Variants in POLDIP3 observed in about 807,000 individuals in gnomAD.
The protein encoded by POLDIP3 is DNA polymerase delta interacting protein 3, also known as polymerase delta-interacting protein 3.
Under a neutral mutation model 45.1 loss-of-function variants are expected in POLDIP3, and 14 were observed. The ratio of observed to expected loss-of-function variants is 0.31; its 90% CI spans 0.20 to 0.49. The LOEUF (loss-of-function observed/expected upper bound fraction) is 0.49, where lower values mean the gene tolerates loss of function less well. Among genes scored for constraint, POLDIP3 ranks in the 20% least tolerant of loss-of-function variants. The probability of loss-of-function intolerance (pLI) is 0.99; values close to 1 mark genes in which losing one functional copy is unlikely to be tolerated. For missense variants in POLDIP3, 511 were observed against 538.8 expected, an observed-to-expected ratio of 0.95 and a Z score of 0.51; for synonymous variants, 223 against 205.2, an observed-to-expected ratio of 1.09 and a Z score of -0.74.
intron 1 of POLDIP3, among the ~76,000 whole-genome samples, chr22:42,608,434 CAAAACAAAACAAA>C: frequency 6.6e-6 from 1 of 150,930 alleles, no homozygotes; most frequent in African/African-American, 2.5e-5. Context: ...AAAATCAAAA[CAAAACAAAACAAA>C]AAAAAACCAC....
intron 1 of POLDIP3, among the ~76,000 whole-genome samples, chr22:42,604,702 G>A (rs1187386298): frequency 6.6e-6 from 1 of 152,198 alleles, no homozygotes; most frequent in Non-Finnish European, 1.5e-5. Flanking sequence ...TGCAGCCAAA[G>A]GTGAGTCTAC....
chr22:42,609,375 G>A (rs969891789), intron 1 of POLDIP3, among the ~76,000 whole-genome samples: 1 of 152,236 alleles, frequency 6.6e-6, no homozygotes, highest in South Asian at 2.1e-4. Flanking sequence ...GTCCTGGCAA[G>A]AGCGCTGCTG....
chr22:42,614,192 T>C (rs777973404), intron 1 of POLDIP3, among the ~76,000 whole-genome samples: 2 of 151,970 alleles, frequency 1.3e-5, no homozygotes, highest in South Asian at 2.1e-4. Flanking sequence ...AAGTTCCCCA[T>C]CAGTAAAAGG....
chr22:42,591,601 C>T (rs192235878), intron 7 of POLDIP3, among the ~76,000 whole-genome samples: 12 of 152,306 alleles, frequency 7.9e-5, no homozygotes, highest in African/African-American at 2.4e-4. Context: ...AACATTCAGA[C>T]AAAACTCCAG....
At chr22:42,597,614 G>A (rs1926074927) in intron 4 of POLDIP3, 13 of 445,874 alleles carry the variant, frequency 2.9e-5, no homozygotes, top group South Asian at 1.5e-4. Context: ...GGTACAAGAC[G>A]CATGAGTATA....
intron 1 of POLDIP3, among the ~76,000 whole-genome samples, chr22:42,606,819 G>A (rs935048421): frequency 1.3e-5 from 2 of 152,234 alleles, no homozygotes; most frequent in Non-Finnish European, 1.5e-5. Flanking sequence ...TATAAATGAG[G>A]AAACTCAGAA....
chr22:42,602,390 G>T (rs185663594), intron 2 of POLDIP3, among the ~76,000 whole-genome samples: 1 of 152,206 alleles, frequency 6.6e-6, no homozygotes, highest in Non-Finnish European at 1.5e-5. Flanking sequence ...CAGGGCCTTG[G>T]ACTAGGGGCC....
chr22:42,602,187 T>C, intron 2 of POLDIP3, 131 bp from the exon 3 acceptor site: 6 of 1,398,472 alleles, frequency 4.3e-6, no homozygotes, highest in Middle Eastern at 2.4e-4. Flanking sequence ...ACAGAGGGCC[T>C]TATCCTCCAC....
intron 7 of POLDIP3, among the ~76,000 whole-genome samples, chr22:42,590,348 G>A (rs1038299604): frequency 2.0e-5 from 3 of 151,830 alleles, no homozygotes; most frequent in African/African-American, 4.8e-5. Flanking sequence ...GCCACCACGC[G>A]CCCAGCTAAT....
At chr22:42,599,558 T>C (rs560959767) in intron 4 of POLDIP3, 140 bp downstream of exon 4, 1 of 676,568 alleles carries the variant, frequency 1.5e-6, no homozygotes, top group Middle Eastern at 2.4e-4. Context: ...GAGCCAAGAT[T>C]GCGCCATTGC....
At chr22:42,594,573 T>C (rs1308332596) in intron 6 of POLDIP3, among the ~76,000 whole-genome samples, 1 of 152,204 alleles carries the variant, frequency 6.6e-6, no homozygotes, top group Admixed American at 6.5e-5. Context: ...AGTCTGTTAG[T>C]CTGGGACTTA....
chr22:42,588,464 A>C (rs1237235240), intron 7 of POLDIP3, among the ~76,000 whole-genome samples: 1 of 151,700 alleles, frequency 6.6e-6, no homozygotes, highest in Non-Finnish European at 1.5e-5. Context: ...CTCAAAAAAA[A>C]AAAAAAAAAA....
At chr22:42,614,559 A>C (rs1488645584) in intron 1 of POLDIP3, among the ~76,000 whole-genome samples, 2 of 151,962 alleles carry the variant, frequency 1.3e-5, no homozygotes, top group Non-Finnish European at 1.5e-5. Context: ...ACGAGGCGGC[A>C]CCCTGTCCCC....
At chr22:42,599,013 G>A (rs531495990) in intron 4 of POLDIP3, among the ~76,000 whole-genome samples, 5 of 152,286 alleles carry the variant, frequency 3.3e-5, no homozygotes, top group East Asian at 1.9e-4. Context: ...GTTAACCAAC[G>A]GAATCCAGAC....
intron 1 of POLDIP3, among the ~76,000 whole-genome samples, chr22:42,614,071 C>A (rs914413548): frequency 6.6e-6 from 1 of 152,138 alleles, no homozygotes; most frequent in Non-Finnish European, 1.5e-5. Flanking sequence ...CCCAACACAC[C>A]AGTTTTTCAA....
At chr22:42,601,662 G>T (rs1442186584) in intron 3 of POLDIP3, among the ~76,000 whole-genome samples, 4 of 152,358 alleles carry the variant, frequency 2.6e-5, no homozygotes, top group African/African-American at 9.6e-5. Flanking sequence ...TCAGGAGGCT[G>T]AGGCAGGAGA....
Position 42,603,024 on chromosome 22 carries a change from G to A in POLDIP3, c.196C>T (p.Arg66Trp), listed in dbSNP as rs769021753. The change falls in exon 2 of 9, where the codon CGG becomes TGG. Residue 66 changes from arginine (R) to tryptophan (W), a missense_variant. Coordinates refer to ENST00000252115, the MANE Select transcript of POLDIP3 (RefSeq NM_032311.5). Reference sequence around the variant, plus strand: ...GCATCCTTGACTCCCAGTTTGAGCCGGGCATCTGAGAGGCCAATCTTCTGC... The same window carrying A: ...GCATCCTTGACTCCCAGTTTGAGCCAGGCATCTGAGAGGCCAATCTTCTGC... ...ARQKIGLSDA[R>W]LKLGVKDARE... The A allele has an allele frequency of 5.0e-6, 8 of 1,613,980 alleles. No homozygotes were observed. The highest frequency in any genetic ancestry group is 2.7e-5 in the African/African-American group (2 of 74,886).
intron 8 of POLDIP3, among the ~76,000 whole-genome samples, chr22:42,586,416 C>T (rs1925317836): frequency 6.6e-6 from 1 of 152,106 alleles, no homozygotes; most frequent in African/African-American, 2.4e-5. Context: ...TAGTCTCGAT[C>T]TTCCAGGCTC....
chr22:42,605,515 T>C (rs996481765), intron 1 of POLDIP3, among the ~76,000 whole-genome samples: 1 of 152,260 alleles, frequency 6.6e-6, no homozygotes, highest in African/African-American at 2.4e-5. Context: ...TGCTATCATT[T>C]TTCTCTTTGG....
Sources: allele counts gnomAD v4.1 joint callset (sites outside exome capture counted in the v4.1 genomes callset), GRCh38; gene constraint gnomAD v4.1.1; transcripts MANE v1.5; gene names NCBI Gene and HGNC (gene_info 2026-07-23, HGNC 2026-07-21).